Variants in EYS observed in about 807,000 individuals in gnomAD.
EYS encodes protein eyes shut homolog.
EYS carries 250 observed loss-of-function variants against 282.1 expected under a neutral mutation model. That is an observed-to-expected ratio of 0.89 (90% CI 0.80 to 0.98). The LOEUF (loss-of-function observed/expected upper bound fraction) is 0.98, where lower values mean the gene tolerates loss of function less well. Ranked by LOEUF, EYS falls within the 50% of genes least tolerant of loss-of-function variation. The pLI, the probability that EYS is intolerant of heterozygous loss-of-function variation, is 0.00. For missense variants in EYS, 4,016 were observed against 3,709.0 expected, an observed-to-expected ratio of 1.08 and a Z score of -2.15; for synonymous variants, 1,355 against 1,282.9, an observed-to-expected ratio of 1.06 and a Z score of -1.20.
chr6:64,297,929 G>A (rs891753799), intron 30 of EYS, among the ~76,000 whole-genome samples: 1 of 139,566 alleles, frequency 7.2e-6, no homozygotes, highest in Non-Finnish European at 1.5e-5. Flanking sequence ...AGTGAGCCAA[G>A]ATAGTGCCAC....
chr6:63,847,121 CA>C (rs1408808850), intron 36 of EYS, among the ~76,000 whole-genome samples: 3 of 152,058 alleles, frequency 2.0e-5, no homozygotes, highest in Non-Finnish European at 2.9e-5. Context: ...TTTTGAAGTT[CA>C]TGTTCAGATT....
At chr6:64,139,936 C>G (rs1774285405) in intron 31 of EYS, among the ~76,000 whole-genome samples, 1 of 151,378 alleles carries the variant, frequency 6.6e-6, no homozygotes, top group Non-Finnish European at 1.5e-5. Context: ...CCACTGCACT[C>G]CAGCCTGGGT....
chr6:65,097,683 A>C (rs1774778091), intron 12 of EYS, among the ~76,000 whole-genome samples: 1 of 150,928 alleles, frequency 6.6e-6, no homozygotes, highest in African/African-American at 2.4e-5. Context: ...AGAAGAAGGA[A>C]GTCTTGCTAC....
chr6:65,210,626 A>G (rs1286871707), intron 12 of EYS, among the ~76,000 whole-genome samples: 2 of 152,032 alleles, frequency 1.3e-5, no homozygotes, highest in Non-Finnish European at 2.9e-5. Flanking sequence ...TTGTAAGTAC[A>G]TGGCAAAGAA....
At chr6:64,602,626 G>A (rs1361080507) in intron 24 of EYS, among the ~76,000 whole-genome samples, 1 of 152,052 alleles carries the variant, frequency 6.6e-6, no homozygotes, top group East Asian at 1.9e-4. Flanking sequence ...AATGCTTAAT[G>A]CTGCTGAAGA....
At chr6:64,434,861 G>A (rs991105487) in intron 28 of EYS, among the ~76,000 whole-genome samples, 8 of 151,988 alleles carry the variant, frequency 5.3e-5, no homozygotes, top group Admixed American at 4.6e-4. Context: ...AGCCATGCCT[G>A]AGGCCAGAAC....
Position 64,419,991 on chromosome 6 carries a change from G to T in EYS, c.5927+16183C>A, listed in dbSNP as rs574152388. 2.6e-5 allele frequency among the ~76,000 whole-genome samples: 4 copies of T among 152,326 alleles called. No homozygotes were observed. In the East Asian group the frequency reaches 7.7e-4, roughly 29 times the overall value. On this transcript the variant is annotated intron_variant, in intron 28 of 42. Coordinates refer to ENST00000503581, the MANE Select transcript of EYS (RefSeq NM_001142800.2). The stretch of plus-strand genomic sequence containing the variant: ...TCCCTTCTGCACTGCCCTAGCAGAG[G>T]TTCTCCATGAGGGCTCTGCCCCTGA...
chr6:64,962,769 A>G (rs1484221610), intron 14 of EYS, among the ~76,000 whole-genome samples: 1 of 152,016 alleles, frequency 6.6e-6, no homozygotes, highest in African/African-American at 2.4e-5. Context: ...CCCTCAAAAA[A>G]AGAGAGAGAG....
intron 22 of EYS, among the ~76,000 whole-genome samples, chr6:64,746,509 A>T (rs1420080828): frequency 6.6e-6 from 1 of 152,180 alleles, no homozygotes; most frequent in Non-Finnish European, 1.5e-5. Flanking sequence ...TCATAAATAG[A>T]CTAAGGTTTG....
intron 22 of EYS, among the ~76,000 whole-genome samples, chr6:64,649,087 GAA>G (rs1202333371): frequency 1.3e-5 from 2 of 152,054 alleles, no homozygotes; most frequent in Non-Finnish European, 2.9e-5. Context: ...TAACAGTTAA[GAA>G]TTGATGAGTC....
At chr6:64,990,715 A>T (rs1771035431) in intron 14 of EYS, among the ~76,000 whole-genome samples, 1 of 151,584 alleles carries the variant, frequency 6.6e-6, no homozygotes, top group East Asian at 1.9e-4. Context: ...GGATTTCTTA[A>T]ATCTCAAAAT....
intron 9 of EYS, among the ~76,000 whole-genome samples, chr6:65,350,501 A>G (rs1217787517): frequency 6.6e-6 from 1 of 151,674 alleles, no homozygotes; most frequent in Non-Finnish European, 1.5e-5. Flanking sequence ...AGTACATGTT[A>G]AGTGTTTTAA....
chr6:63,839,294 A>G (rs1771888576), intron 36 of EYS, among the ~76,000 whole-genome samples: 1 of 151,928 alleles, frequency 6.6e-6, no homozygotes. Context: ...GCTTCCATAT[A>G]TGAGTGAGAA....
chr6:64,155,997 T>A (rs1002503559), intron 31 of EYS, among the ~76,000 whole-genome samples: 1 of 150,774 alleles, frequency 6.6e-6, no homozygotes, highest in Admixed American at 6.6e-5. Context: ...TATATGTGTG[T>A]GTGTGTGTGT....
chr6:64,891,517 G>A (rs1348095995), intron 18 of EYS, among the ~76,000 whole-genome samples: 4 of 152,006 alleles, frequency 2.6e-5, no homozygotes, highest in African/African-American at 7.2e-5. Flanking sequence ...AAATAAAAGT[G>A]CCTAGGGTAT....
intron 26 of EYS, among the ~76,000 whole-genome samples, chr6:64,537,273 T>C (rs1470657901): frequency 4.7e-5 from 7 of 149,620 alleles, no homozygotes; most frequent in Non-Finnish European, 8.9e-5. Context: ...TTTTTTGTTC[T>C]TGTGATAGTT....
intron 22 of EYS, among the ~76,000 whole-genome samples, chr6:64,728,417 C>G (rs1180308714): frequency 6.6e-6 from 1 of 152,178 alleles, no homozygotes; most frequent in African/African-American, 2.4e-5. Flanking sequence ...TCACTGCAAG[C>G]TCTGCCTCCC....
intron 33 of EYS, among the ~76,000 whole-genome samples, chr6:64,055,622 T>A (rs561521747): frequency 6.6e-6 from 1 of 152,306 alleles, no homozygotes; most frequent in South Asian, 2.1e-4. Flanking sequence ...TATGTTCTAA[T>A]GATATATCAG....
intron 12 of EYS, among the ~76,000 whole-genome samples, chr6:65,258,528 T>TAC (rs1767533342): frequency 6.6e-6 from 1 of 152,034 alleles, no homozygotes; most frequent in Non-Finnish European, 1.5e-5. Context: ...ATGTAGTATA[T>TAC]GTCACAAGCT....
Sources: allele counts gnomAD v4.1 joint callset (sites outside exome capture counted in the v4.1 genomes callset), GRCh38; gene constraint gnomAD v4.1.1; transcripts MANE v1.5; gene names NCBI Gene and HGNC (gene_info 2026-07-23, HGNC 2026-07-21).